DPH7: variants seen among roughly 807,000 people sequenced by gnomAD.
The protein encoded by DPH7 is diphthine methyltransferase.
A neutral mutation model predicts 41.7 loss-of-function variants in DPH7; 44 were observed. The ratio of observed to expected loss-of-function variants is 1.05; its 90% CI spans 0.83 to 1.36. The LOEUF is 1.36. DPH7 is among the 40% of genes most tolerant of loss of function. The pLI is 0.00. For missense variants in DPH7, 629 were observed against 577.5 expected (o/e 1.09, Z -0.91); for synonymous variants, 275 against 238.0 (o/e 1.16, Z -1.43).
chr9:137,574,575 C>G, intron 4 of DPH7, 177 bp downstream of exon 4: 6 of 836,534 alleles, frequency 7.2e-6, no homozygotes, highest in Non-Finnish European at 1.1e-5. Flanking sequence ...GGTAAAAACA[C>G]TATCGCTATG....
intron 5 of DPH7, among the ~76,000 whole-genome samples, chr9:137,571,314 G>A (rs1045348551): frequency 2.9e-4 from 44 of 151,872 alleles, no homozygotes; most frequent in African/African-American, 1.0e-3. Context: ...AGCCTCCCGA[G>A]TAGTTGGGAC....
At chr9:137,564,836 G>GC (rs1839293194) in intron 7 of DPH7, 57 bp downstream of exon 7, 3 of 1,546,042 alleles carry the variant, frequency 1.9e-6, no homozygotes, top group African/African-American at 1.4e-5. Context: ...GGGCCCAGGA[G>GC]CCCCCCGGGG....
intron 5 of DPH7, among the ~76,000 whole-genome samples, chr9:137,569,441 G>T (rs936461904): frequency 3.0e-4 from 28 of 93,372 alleles, no homozygotes; most frequent in African/African-American, 7.6e-4. Flanking sequence ...CATCCATCCA[G>T]CCAGCCAGTC....
chr9:137,561,462 G>A (rs1273315396), intron 8 of DPH7, among the ~76,000 whole-genome samples: 1 of 145,244 alleles, frequency 6.9e-6, no homozygotes, highest in African/African-American at 2.6e-5. Context: ...ATGGCGGCGT[G>A]AACCCGGAAG....
intron 3 of DPH7, chr9:137,575,699 C>G: frequency 1.9e-6 from 2 of 1,042,684 alleles, no homozygotes; most frequent in Non-Finnish European, 2.3e-6. Flanking sequence ...AAAATTCACA[C>G]AGGACTCACG....
chr9:137,560,878 CGGGCGTGGTGGT>C (rs923233056), intron 8 of DPH7, among the ~76,000 whole-genome samples: 2 of 149,812 alleles, frequency 1.3e-5, no homozygotes, highest in Non-Finnish European at 3.0e-5. Context: ...AAAAATTTGC[CGGGCGTGGTGGT>C]GGGCACCTGT....
Position 137,564,614 on chromosome 9 carries a change from C to G in DPH7, c.777-8G>C, listed in dbSNP as rs758595341. On this transcript the variant is annotated splice_region_variant and splice_polypyrimidine_tract_variant and intron_variant, in intron 7 of 8. Coordinates refer to ENST00000277540, the MANE Select transcript of DPH7 (RefSeq NM_138778.5). ...AGGATGTGTTCATCATAGCTGAAACCGACCAACCACAGGAGGCATATAAGG... is the reference window on the plus strand; with the variant it reads ...AGGATGTGTTCATCATAGCTGAAACGGACCAACCACAGGAGGCATATAAGG... 6 of 1,606,090 alleles carry G rather than the reference C, an allele frequency of 3.7e-6. No individual in the cohort carries two copies. The highest frequency in any genetic ancestry group is 5.1e-6 in the Non-Finnish European group (6 of 1,173,630).
At chr9:137,575,176 A>G (rs1841164618) in intron 3 of DPH7, 3 of 1,042,448 alleles carry the variant, frequency 2.9e-6, no homozygotes, top group Non-Finnish European at 3.5e-6. Context: ...TCCAGACCAC[A>G]GTGGCACACA....
Position 137,577,598 on chromosome 9 carries a change from T to C in DPH7, c.159A>G (p.Gly53=). The C allele has an allele frequency of 6.2e-7, 1 of 1,613,120 alleles. No homozygotes were observed. The highest frequency in any genetic ancestry group is 8.5e-7 in the Non-Finnish European group (1 of 1,179,664). The part of the protein sequence containing the change: ...DRPAGPQNKG[G]MEVKEPQVRL... Reference sequence around the variant, plus strand: ...GGACCTGAGGCTCCTTAACTTCCATTCCACCCTACAAAAAATGCAGAGGTA... The same window carrying C: ...GGACCTGAGGCTCCTTAACTTCCATCCCACCCTACAAAAAATGCAGAGGTA... Residue 53 remains glycine, a synonymous_variant, in exon 2 of 9, where the codon GGA becomes GGG. Transcript: ENST00000277540.
chr9:137,577,359 A>C, intron 2 of DPH7, 111 bp downstream of exon 2: 1 of 1,153,968 alleles, frequency 8.7e-7, no homozygotes, highest in Non-Finnish European at 1.3e-6. Flanking sequence ...GCAAAGAAAC[A>C]AATCCAAAGT....
intron 8 of DPH7, among the ~76,000 whole-genome samples, chr9:137,559,165 C>T (rs1196384819): frequency 6.6e-6 from 1 of 152,166 alleles, no homozygotes; most frequent in Non-Finnish European, 1.5e-5. Flanking sequence ...ATAATCCTCG[C>T]TCTACAATCA....
rs375695662 is a variant in DPH7, at chr9:137,555,285, G to T, written c.1313C>A (p.Ser438Tyr). ...DSAFSLLATC[S>Y]FYDHALHLWE... ...GAGGTGGAGCGCATGGTCATAGAAG[G>T]AGCAGGTGGCCAGGAGGCTGAAGGC... Residue 438 changes from serine (S) to tyrosine (Y), a missense_variant, in exon 9 of 9, where the codon TCC becomes TAC. Physicochemically the swap from Ser to Tyr is moderately radical, Grantham distance 144. Coordinates refer to ENST00000277540, the MANE Select transcript of DPH7 (RefSeq NM_138778.5). 20 of 1,613,716 alleles carry T rather than the reference G, an allele frequency of 1.2e-5. No individual in the cohort carries two copies. In the East Asian group the frequency reaches 4.2e-4, roughly 34 times the overall value.
intron 5 of DPH7, among the ~76,000 whole-genome samples, chr9:137,570,812 C>G (rs567415271): frequency 1.3e-4 from 20 of 152,326 alleles, no homozygotes; most frequent in African/African-American, 4.6e-4. Flanking sequence ...TGACCATGCT[C>G]TCCAACAGTA....
chr9:137,577,730 G>T, intron 1 of DPH7, 127 bp from the exon 2 acceptor site: 1 of 1,252,154 alleles, frequency 8.0e-7, no homozygotes, highest in Non-Finnish European at 1.1e-6. Context: ...CCTGGAAGGA[G>T]AACCTCTGGT....
rs774781514 is a variant in DPH7 at position 137,574,300 on chromosome 9, G to T, written c.548C>A (p.Pro183His). 1 of 1,614,146 alleles carries T rather than the reference G, an allele frequency of 6.2e-7. No homozygotes were observed. The highest frequency in any genetic ancestry group is 8.5e-7 in the Non-Finnish European group (1 of 1,180,028). ...LHLLMVNETR[P>H]RLQKVASWQA... ...CCATGAGGCCACTTTCTGCAGCCTGGGCCTCGTCTCATTCACCATCAGGAG... is the reference window on the plus strand; with the variant it reads ...CCATGAGGCCACTTTCTGCAGCCTGTGCCTCGTCTCATTCACCATCAGGAG... Residue 183 changes from proline (P) to histidine (H), a missense_variant, in exon 5 of 9, where the codon CCC becomes CAC. Physicochemically the swap from Pro to His is moderately conservative, Grantham distance 77 (BLOSUM62 -2). Transcript: ENST00000277540.
intron 5 of DPH7, among the ~76,000 whole-genome samples, chr9:137,570,150 A>G (rs1337126935): frequency 2.3e-5 from 2 of 88,584 alleles, no homozygotes; most frequent in Non-Finnish European, 4.3e-5. Context: ...CCCACCACCC[A>G]TCAAATAGGT....
At chr9:137,574,076 T>C in intron 5 of DPH7, 132 bp downstream of exon 5, 3 of 1,042,344 alleles carry the variant, frequency 2.9e-6, no homozygotes, top group South Asian at 3.1e-5. Context: ...AAAAAAAAAG[T>C]ACACTTTCCA....
rs868254555 is a variant in DPH7, at chr9:137,555,674, G to A, written c.950-26C>T. The A allele has an allele frequency of 6.4e-6, 10 of 1,556,886 alleles. No homozygotes were observed. The South Asian group carries it at 1.1e-4, about 17-fold the overall frequency. The stretch of plus-strand genomic sequence containing the variant: ...CTGGAGTGAGAGATGGGAGAACCCA[G>A]GAAACACAACATCACCCAGAGCCTC... On this transcript the variant is annotated intron_variant, in intron 8 of 8. Transcript: ENST00000277540.
intron 8 of DPH7, among the ~76,000 whole-genome samples, chr9:137,562,900 G>A (rs1588839818): frequency 1.3e-5 from 2 of 152,120 alleles, no homozygotes; most frequent in South Asian, 2.1e-4. Context: ...CCAGGAAGCA[G>A]AGGTTGCAGT....
Sources: allele counts gnomAD v4.1 joint callset (sites outside exome capture counted in the v4.1 genomes callset), GRCh38; gene constraint gnomAD v4.1.1; transcripts MANE v1.5; gene names NCBI Gene and HGNC (gene_info 2026-07-23, HGNC 2026-07-21).